RFX4: variants seen among roughly 807,000 people sequenced by gnomAD.
The protein encoded by RFX4 is transcription factor RFX4.
A neutral mutation model predicts 95.0 loss-of-function variants in RFX4; 10 were observed. The ratio of observed to expected loss-of-function variants is 0.11; its 90% CI spans 0.06 to 0.18. RFX4 has a LOEUF of 0.18. RFX4 is among the 10% of genes least tolerant of loss of function. The pLI is 1.00. For missense variants in RFX4, 640 were observed against 922.0 expected, an observed-to-expected ratio of 0.69 and a Z score of 3.96; for synonymous variants, 321 against 340.7, an observed-to-expected ratio of 0.94 and a Z score of 0.64.
chr12:106,657,330 G>C (rs1439513850), intron 4 of RFX4, among the ~76,000 whole-genome samples: 1 of 152,188 alleles, frequency 6.6e-6, no homozygotes, highest in Non-Finnish European at 1.5e-5. Context: ...TTGCAAGTGG[G>C]CTGAGGCAAC....
chr12:106,661,665 G>A (rs2041076738), intron 4 of RFX4, among the ~76,000 whole-genome samples: 1 of 152,150 alleles, frequency 6.6e-6, no homozygotes, highest in Non-Finnish European at 1.5e-5. Context: ...CCATTGTTTT[G>A]GTATCATGCA....
chr12:106,668,823 G>A (rs1378598311), intron 4 of RFX4, among the ~76,000 whole-genome samples: 1 of 152,136 alleles, frequency 6.6e-6, no homozygotes, highest in African/African-American at 2.4e-5. Context: ...GGTACAATGT[G>A]ATCACTTAAG....
chr12:106,742,819 C>T (rs1470453456), intron 15 of RFX4, among the ~76,000 whole-genome samples: 1 of 152,196 alleles, frequency 6.6e-6, no homozygotes, highest in Non-Finnish European at 1.5e-5. Context: ...GGAGGTAATA[C>T]TACTTACCTC....
At chr12:106,618,388 G>A (rs767944916) in intron 2 of RFX4, among the ~76,000 whole-genome samples, 6 of 152,008 alleles carry the variant, frequency 3.9e-5, no homozygotes, top group East Asian at 3.9e-4. Flanking sequence ...TATGGCTATC[G>A]ATATTTTTAG....
intron 2 of RFX4, among the ~76,000 whole-genome samples, chr12:106,618,178 G>A (rs531705285): frequency 6.6e-5 from 10 of 151,800 alleles, no homozygotes; most frequent in South Asian, 2.1e-4. Flanking sequence ...ATTAACATAC[G>A]TTATAGATTA....
intron 1 of RFX4, chr12:106,601,264 G>A (rs375763598): frequency 2.8e-4 from 441 of 1,583,350 alleles, no homozygotes; most frequent in Non-Finnish European, 3.6e-4. Flanking sequence ...AGACAGAAAG[G>A]GGCTGAGACA....
intron 4 of RFX4, among the ~76,000 whole-genome samples, chr12:106,667,370 G>T (rs144257848): frequency 2.8e-3 from 420 of 152,260 alleles, no homozygotes; most frequent in Non-Finnish European, 4.3e-3. Flanking sequence ...AGCAGGCCTT[G>T]TTAAGAAGAA....
At chr12:106,714,770 A>G (rs1021976811) in intron 10 of RFX4, among the ~76,000 whole-genome samples, 5 of 152,176 alleles carry the variant, frequency 3.3e-5, no homozygotes, top group African/African-American at 7.2e-5. Flanking sequence ...CACACTATAC[A>G]CATCCCTCCA....
At chr12:106,672,167 C>T (rs752300623) in intron 4 of RFX4, among the ~76,000 whole-genome samples, 2 of 152,086 alleles carry the variant, frequency 1.3e-5, no homozygotes, top group African/African-American at 2.4e-5. Flanking sequence ...AAATTGCACC[C>T]ACAAAATGAT....
At position 106,733,117 on chromosome 12, in the gene RFX4, G is replaced by A. The variant is rs200407661; in HGVS notation, c.1633+32G>A. ...GAAAGTCCTTCAAAAACTTTGGGTA[G>A]TTAATGTTTGAAGAAAGGGCTTTCT... On this transcript the variant is annotated intron_variant, in intron 15 of 17. Transcript: ENST00000392842. 108 of 1,609,326 alleles carry A rather than the reference G, an allele frequency of 6.7e-5. 2 individuals are homozygous for A. In the Middle Eastern group the frequency reaches 5.8e-3, roughly 86 times the overall value.
At position 106,681,888 on chromosome 12, in the gene RFX4, A is replaced by G. The variant is rs188517002; in HGVS notation, c.316-105A>G. On this transcript the variant is annotated intron_variant, in intron 4 of 17. Transcript: ENST00000392842. ...AGACTCCTATTAAGTCATTGCAACC[A>G]AGGACCTATGTTTTCCTCCCTTCTG... 4.8e-4 allele frequency: 574 copies of G among 1,186,414 alleles called. 5 individuals carry two copies. The Admixed American group carries it at 8.7e-3, about 18-fold the overall frequency. The allele number at this position is 1,186,414 out of a possible 1,614,324, so 73.5% of individuals were successfully genotyped here. A position where few individuals can be genotyped will look rare whatever the true frequency, so the allele number is the denominator to read the frequency against.
chr12:106,624,526 A>T (rs2137244608), intron 2 of RFX4, among the ~76,000 whole-genome samples: 1 of 151,950 alleles, frequency 6.6e-6, no homozygotes, highest in East Asian at 1.9e-4. Flanking sequence ...ATGGGGTTTC[A>T]CCATGTTGGC....
At chr12:106,634,234 G>C (rs751214953) in intron 2 of RFX4, among the ~76,000 whole-genome samples, 1 of 152,056 alleles carries the variant, frequency 6.6e-6, no homozygotes, top group Non-Finnish European at 1.5e-5. Flanking sequence ...ATCCCTTCAG[G>C]GCTCAGCTCA....
intron 1 of RFX4, among the ~76,000 whole-genome samples, chr12:106,584,109 G>T (rs1412510530): frequency 1.6e-5 from 1 of 61,022 alleles, no homozygotes; most frequent in Non-Finnish European, 3.1e-5. Context: ...TTCAAGAGCT[G>T]CTGGGCGTCA....
intron 1 of RFX4, among the ~76,000 whole-genome samples, chr12:106,590,011 T>G (rs1476749928): frequency 6.6e-6 from 1 of 152,276 alleles, no homozygotes; most frequent in Non-Finnish European, 1.5e-5. Context: ...AAATGTCATC[T>G]TTGCTTCCCT....
intron 2 of RFX4, among the ~76,000 whole-genome samples, chr12:106,615,675 C>T (rs2040057894): frequency 6.6e-6 from 1 of 152,102 alleles, no homozygotes. Context: ...TTGTAGATTT[C>T]ACTGTAGAGA....
intron 8 of RFX4, among the ~76,000 whole-genome samples, chr12:106,705,266 G>A (rs1474765428): frequency 1.1e-4 from 16 of 152,218 alleles, no homozygotes; most frequent in African/African-American, 3.6e-4. Context: ...TGTTGCAGTT[G>A]TAACAGCATC....
rs77713501 is a variant in RFX4, at chr12:106,747,555, C to A, written c.1752C>A (p.Ser584=). The A allele has an allele frequency of 6.2e-7, 1 of 1,614,054 alleles. No homozygotes were observed. The highest frequency in any genetic ancestry group is 8.5e-7 in the Non-Finnish European group (1 of 1,179,994). The stretch of plus-strand genomic sequence containing the variant: ...GGAACACTCATGTGCCTTCTTCCTC[C>A]GTCACACACAGGATACCAGTTTATC... ...CMRNTHVPSS[S]VTHRIPVYPH... Residue 584 remains serine, a synonymous_variant, in exon 16 of 18, where the codon TCC becomes TCA. Transcript: ENST00000392842.
intron 13 of RFX4, among the ~76,000 whole-genome samples, chr12:106,724,713 AC>A (rs1327327612): frequency 2.0e-5 from 3 of 152,088 alleles, no homozygotes; most frequent in African/African-American, 7.2e-5. Flanking sequence ...AAAAACAACA[AC>A]AAAAAACTAT....
Sources: allele counts gnomAD v4.1 joint callset (sites outside exome capture counted in the v4.1 genomes callset), GRCh38; gene constraint gnomAD v4.1.1; transcripts MANE v1.5; gene names NCBI Gene and HGNC (gene_info 2026-07-23, HGNC 2026-07-21).